The following SFXN1 variants were observed in gnomAD, a reference collection of about 807,000 sequenced individuals.
The protein encoded by SFXN1 is sideroflexin-1.
SFXN1 carries 32 observed loss-of-function variants against 39.5 expected under a neutral mutation model. The ratio of observed to expected loss-of-function variants is 0.81; its 90% CI spans 0.61 to 1.09. SFXN1 has a LOEUF of 1.09. Ranked by LOEUF, SFXN1 falls within the 50% of genes least tolerant of loss-of-function variation. The pLI, the probability that SFXN1 is intolerant of heterozygous loss-of-function variation, is 0.00. For synonymous variants in SFXN1, 136 were observed against 146.5 expected (o/e 0.93, Z 0.52); for missense variants, 402 against 407.1 (o/e 0.99, Z 0.11).
intron 3 of SFXN1, 78 bp from the exon 4 acceptor site, chr5:175,510,031 A>T: frequency 8.9e-7 from 1 of 1,124,874 alleles, no homozygotes; most frequent in Non-Finnish European, 1.3e-6. Context: ...CTCTCTGGTT[A>T]CTGGTGTTCA....
intron 1 of SFXN1, among the ~76,000 whole-genome samples, chr5:175,486,024 G>A (rs1256221574): frequency 6.6e-6 from 1 of 152,150 alleles, no homozygotes; most frequent in Non-Finnish European, 1.5e-5. Context: ...AGATGTTAGG[G>A]TTCCCCTCTC....
intron 2 of SFXN1, among the ~76,000 whole-genome samples, chr5:175,500,355 A>G (rs1341529114): frequency 6.6e-6 from 1 of 151,148 alleles, no homozygotes; most frequent in Non-Finnish European, 1.5e-5. Context: ...CAAAAATATT[A>G]AGTACTTAGA....
chr5:175,479,540 T>G (rs1759151357), intron 1 of SFXN1, among the ~76,000 whole-genome samples: 1 of 152,172 alleles, frequency 6.6e-6, no homozygotes, highest in Non-Finnish European at 1.5e-5. Flanking sequence ...AACTCTGGGT[T>G]TTTTCTCTTT....
chr5:175,490,273 C>T (rs977402750), intron 1 of SFXN1, among the ~76,000 whole-genome samples: 2 of 152,122 alleles, frequency 1.3e-5, no homozygotes, highest in African/African-American at 2.4e-5. Context: ...GTTAGGACAC[C>T]GTATAGCTGC....
chr5:175,527,474 A>G lies in SFXN1; in HGVS notation c.*740A>G, dbSNP rs1279339711. ...CTTGCAGTTATTGACTTTATATTCA[A>G]TTATTTACATCAAATAATGAAATAA... On this transcript the variant is annotated 3_prime_UTR_variant, in exon 11 of 11. Coordinates refer to ENST00000321442, the MANE Select transcript of SFXN1 (RefSeq NM_022754.7). 2 of 152,220 alleles carry G rather than the reference A, an allele frequency of 1.3e-5. No individual in the cohort carries two copies. Among genetic ancestry groups the G allele is most frequent in the South Asian group, 2.1e-4 (1 of 4,834 alleles). The allele number at this position is 152,220 out of a possible 1,614,324, so 9.4% of individuals were successfully genotyped here.
chr5:175,526,124 G>GTT (rs35414343), intron 10 of SFXN1, among the ~76,000 whole-genome samples: 11 of 127,648 alleles, frequency 8.6e-5, no homozygotes, highest in Non-Finnish European at 1.3e-4. Flanking sequence ...AAATGTTTTG[G>GTT]TTTTTTTTTT....
chr5:175,507,658 C>G (rs2644675), intron 2 of SFXN1, among the ~76,000 whole-genome samples: 1 of 151,984 alleles, frequency 6.6e-6, no homozygotes. Context: ...AAGAATGAGG[C>G]ACCTAATTTT....
At position 175,504,252 on chromosome 5, in the gene SFXN1, G is replaced by GT. The variant is rs200365391; in HGVS notation, c.165-4772dup. Among the ~76,000 whole-genome samples, 362 of 151,798 alleles carry GT rather than the reference G, an allele frequency of 2.4e-3. 3 individuals carry two copies. Among genetic ancestry groups the GT allele is most frequent in the African/African-American group, 8.4e-3 (347 of 41,402 alleles). On this transcript the variant is annotated intron_variant, in intron 2 of 10. Transcript: ENST00000321442. The stretch of plus-strand genomic sequence containing the variant: ...TCCCAAACTTGGACATGAGCCCTTT[G>GT]TTTTTTTTCCATAATGTATGTAATA...
At chr5:175,501,424 G>A (rs927789175) in intron 2 of SFXN1, among the ~76,000 whole-genome samples, 2 of 152,022 alleles carry the variant, frequency 1.3e-5, no homozygotes, top group African/African-American at 4.8e-5. Context: ...CAATTGAAAC[G>A]GAAAGAAGAG....
At chr5:175,508,015 T>C (rs986845668) in intron 2 of SFXN1, among the ~76,000 whole-genome samples, 3 of 151,872 alleles carry the variant, frequency 2.0e-5, no homozygotes, top group African/African-American at 4.8e-5. Flanking sequence ...TAGCTTTTCA[T>C]TCTATAGGTA....
At chr5:175,488,699 C>G (rs1284789513) in intron 1 of SFXN1, among the ~76,000 whole-genome samples, 1 of 151,782 alleles carries the variant, frequency 6.6e-6, no homozygotes, top group African/African-American at 2.4e-5. Context: ...TCTTCACTTT[C>G]CTCTGATCTT....
chr5:175,496,405 A>C (rs925823810), intron 2 of SFXN1, among the ~76,000 whole-genome samples: 6 of 152,012 alleles, frequency 3.9e-5, no homozygotes, highest in African/African-American at 1.4e-4. Context: ...ATCTGAATCT[A>C]AAGCCCTAGA....
At chr5:175,501,907 G>A (rs1013592882) in intron 2 of SFXN1, among the ~76,000 whole-genome samples, 32 of 152,266 alleles carry the variant, frequency 2.1e-4, no homozygotes, top group African/African-American at 7.2e-4. Flanking sequence ...ATGCAGAGCC[G>A]GCTGTGAGGG....
Position 175,488,149 on chromosome 5 carries a change from T to A in SFXN1, c.-9-3946T>A, listed in dbSNP as rs1759516514. ...CCAGTGACTCCCATTTGTTGCAGAG[T>A]GAAATGCAAAGGCCTTACAGTGGCT... On this transcript the variant is annotated intron_variant, in intron 1 of 10. Transcript: ENST00000321442. Among the ~76,000 whole-genome samples, 2 of 152,182 alleles carry A rather than the reference T, an allele frequency of 1.3e-5. 1 individual carries two copies. Among genetic ancestry groups the A allele is most frequent in the South Asian group, 4.2e-4 (2 of 4,818 alleles).
intron 9 of SFXN1, 23 bp from the exon 10 acceptor site, chr5:175,522,351 AC>A (rs747027768): frequency 3.2e-6 from 5 of 1,575,016 alleles, no homozygotes. Context: ...AAATGGTCTG[AC>A]TTTTTTTTGT....
rs572895577 is a variant in SFXN1, at chr5:175,480,294, G to A, written c.-10+1655G>A. 4.6e-3 allele frequency among the ~76,000 whole-genome samples: 696 copies of A among 152,206 alleles called. 8 individuals carry two copies. Among genetic ancestry groups the A allele is most frequent in the African/African-American group, 0.016 (675 of 41,510 alleles). ...CGGGCGCCTGTAGTCCCAGCTACTC[G>A]GGAGGCTGAGGCAGGAGAATGGCCT... On this transcript the variant is annotated intron_variant, in intron 1 of 10. Coordinates refer to ENST00000321442, the MANE Select transcript of SFXN1 (RefSeq NM_022754.7).
At chr5:175,517,517 C>T (rs928240686) in intron 8 of SFXN1, among the ~76,000 whole-genome samples, 2 of 152,100 alleles carry the variant, frequency 1.3e-5, no homozygotes, top group Non-Finnish European at 2.9e-5. Context: ...TGTAGGTGTA[C>T]TCCTTCAGAC....
chr5:175,486,552 G>A (rs572143713), intron 1 of SFXN1, among the ~76,000 whole-genome samples: 14 of 152,222 alleles, frequency 9.2e-5, no homozygotes, highest in South Asian at 2.1e-4. Flanking sequence ...ACTTGAGCCC[G>A]GGAGTTCGAG....
intron 5 of SFXN1, among the ~76,000 whole-genome samples, 166 bp from the exon 6 acceptor site, chr5:175,511,945 G>A (rs953909222): frequency 2.0e-5 from 3 of 152,124 alleles, no homozygotes; most frequent in Admixed American, 1.3e-4. Flanking sequence ...CACCCATGTG[G>A]GAAATATACA....
Sources: allele counts gnomAD v4.1 joint callset (sites outside exome capture counted in the v4.1 genomes callset), GRCh38; gene constraint gnomAD v4.1.1; transcripts MANE v1.5; gene names NCBI Gene and HGNC (gene_info 2026-07-23, HGNC 2026-07-21).